CDK15: variants seen among roughly 807,000 people sequenced by gnomAD.
CDK15 encodes the protein cyclin dependent kinase 15, also known as cyclin-dependent kinase 15.
Under a neutral mutation model 60.3 loss-of-function variants are expected in CDK15, and 62 were observed. The ratio of observed to expected loss-of-function variants is 1.03; its 90% CI spans 0.84 to 1.27. The LOEUF is 1.27. Among genes scored for constraint, CDK15 ranks in the 50% most tolerant of loss-of-function variants. The pLI is 0.00. For missense variants in CDK15, 541 were observed against 527.8 expected, an observed-to-expected ratio of 1.03 and a Z score of -0.25; for synonymous variants, 194 against 195.7, an observed-to-expected ratio of 0.99 and a Z score of 0.07.
At chr2:201,856,685 C>T (rs961812031) in intron 10 of CDK15, among the ~76,000 whole-genome samples, 4 of 152,156 alleles carry the variant, frequency 2.6e-5, no homozygotes, top group African/African-American at 9.7e-5. Context: ...TATTTTCCCT[C>T]AGCTTCCTAA....
At chr2:201,891,855 C>T (rs758939998) in intron 13 of CDK15, among the ~76,000 whole-genome samples, 1 of 152,166 alleles carries the variant, frequency 6.6e-6, no homozygotes, top group Non-Finnish European at 1.5e-5. Flanking sequence ...AAACCACAAG[C>T]ATTATCCTAT....
At chr2:201,858,377 C>T (rs892927423) in intron 10 of CDK15, among the ~76,000 whole-genome samples, 6 of 148,062 alleles carry the variant, frequency 4.1e-5, no homozygotes, top group Non-Finnish European at 6.0e-5. Flanking sequence ...TTTCTCCCTC[C>T]CTCCCTTCCT....
chr2:201,835,283 G>T (rs1393867456), intron 7 of CDK15, among the ~76,000 whole-genome samples: 3 of 152,146 alleles, frequency 2.0e-5, no homozygotes, highest in Non-Finnish European at 2.9e-5. Context: ...CAAGATGGCT[G>T]CCACTTCCTG....
intron 3 of CDK15, among the ~76,000 whole-genome samples, chr2:201,809,557 A>G (rs1187728986): frequency 2.0e-5 from 3 of 152,210 alleles, no homozygotes; most frequent in African/African-American, 4.8e-5. Context: ...TTTGTGCTGC[A>G]TGATTTTAAT....
chr2:201,839,519 A>C (rs1254425026), intron 8 of CDK15, among the ~76,000 whole-genome samples: 1 of 152,182 alleles, frequency 6.6e-6, no homozygotes, highest in Non-Finnish European at 1.5e-5. Flanking sequence ...GGGGTATTGG[A>C]TGAATGTTAA....
intron 10 of CDK15, among the ~76,000 whole-genome samples, chr2:201,865,892 C>CCAAAAAAAA (rs753825925): frequency 7.5e-5 from 3 of 40,084 alleles, no homozygotes; most frequent in African/African-American, 2.2e-4. Context: ...TCCATCTCAA[C>CCAAAAAAAA]AAAAAAAAAA....
chr2:201,861,756 T>A (rs750650087), intron 10 of CDK15, among the ~76,000 whole-genome samples: 23 of 152,076 alleles, frequency 1.5e-4, no homozygotes, highest in Admixed American at 4.6e-4. Flanking sequence ...AGACAGGGTT[T>A]CACCATGTTG....
intron 12 of CDK15, 111 bp downstream of exon 12, chr2:201,880,278 AC>A: frequency 1.5e-6 from 2 of 1,300,622 alleles, no homozygotes; most frequent in Non-Finnish European, 2.1e-6. Flanking sequence ...CATAGCATTT[AC>A]CCCCAGGAGT....
At chr2:201,827,016 T>TA (rs1275286990) in intron 6 of CDK15, among the ~76,000 whole-genome samples, 1 of 152,232 alleles carries the variant, frequency 6.6e-6, no homozygotes. Context: ...GATTCTTAGT[T>TA]AAAATTCTTT....
intron 6 of CDK15, among the ~76,000 whole-genome samples, chr2:201,829,330 G>A (rs1559121885): frequency 6.6e-6 from 1 of 152,146 alleles, no homozygotes; most frequent in Non-Finnish European, 1.5e-5. Flanking sequence ...CCTTGACAGT[G>A]AGGCTAATCA....
chr2:201,890,861 T>A lies in CDK15; in HGVS notation c.1275T>A (p.Gly425=). The change falls in exon 13 of 14, where the codon GGT becomes GGA. Residue 425 remains glycine (G), a synonymous_variant. Transcript: ENST00000652192. ...MCDLLASYQK[G]HHPAQFSKCW ...ACCTTTTGGCCTCCTACCAGAAAGG[T>A]CACCACCCAGCCCAGTTTAGCAAAT... 2 of 1,613,742 alleles carry A rather than the reference T, an allele frequency of 1.2e-6. No individual in the cohort carries two copies. Among genetic ancestry groups the A allele is most frequent in the Non-Finnish European group, 1.7e-6 (2 of 1,179,810 alleles).
At chr2:201,837,158 C>T (rs1433975740) in intron 8 of CDK15, among the ~76,000 whole-genome samples, 2 of 151,516 alleles carry the variant, frequency 1.3e-5, no homozygotes, top group African/African-American at 2.4e-5. Flanking sequence ...ATTAGTCAGG[C>T]ATGATGGCTA....
intron 8 of CDK15, among the ~76,000 whole-genome samples, chr2:201,845,016 G>A (rs1697586540): frequency 6.6e-6 from 1 of 152,034 alleles, no homozygotes; most frequent in African/African-American, 2.4e-5. Flanking sequence ...AGGCATGCTG[G>A]TGCATGCCTG....
chr2:201,842,070 C>G (rs900520155), intron 8 of CDK15, among the ~76,000 whole-genome samples: 8 of 152,100 alleles, frequency 5.3e-5, no homozygotes, highest in Admixed American at 2.6e-4. Flanking sequence ...GTTGTGTAAC[C>G]GTCACCACTG....
At chr2:201,870,936 T>C (rs1372873774) in intron 10 of CDK15, among the ~76,000 whole-genome samples, 1 of 152,196 alleles carries the variant, frequency 6.6e-6, no homozygotes, top group Non-Finnish European at 1.5e-5. Context: ...TTAGTATTTC[T>C]TGAGTGAATG....
intron 11 of CDK15, among the ~76,000 whole-genome samples, chr2:201,874,335 G>GAAAAT (rs1296815991): frequency 6.6e-6 from 1 of 152,152 alleles, no homozygotes; most frequent in Non-Finnish European, 1.5e-5. Flanking sequence ...TATCACATGG[G>GAAAAT]AAAATTCTTG....
At chr2:201,828,974 A>G (rs1696630092) in intron 6 of CDK15, among the ~76,000 whole-genome samples, 1 of 152,176 alleles carries the variant, frequency 6.6e-6, no homozygotes, top group Admixed American at 6.5e-5. Context: ...ACTCTACAAA[A>G]AGACATCACT....
At chr2:201,841,503 C>A (rs937003318) in intron 8 of CDK15, among the ~76,000 whole-genome samples, 1 of 151,774 alleles carries the variant, frequency 6.6e-6, no homozygotes, top group Non-Finnish European at 1.5e-5. Context: ...CCATTTTTTT[C>A]TTTTTCTTTT....
At position 201,843,406 on chromosome 2, in the gene CDK15, C is replaced by T. The variant is rs371604654; in HGVS notation, c.852-3975C>T. On this transcript the variant is annotated intron_variant, in intron 8 of 13. Coordinates refer to ENST00000652192, the MANE Select transcript of CDK15 (RefSeq NM_001366386.2). ...TTCACCATGTTGGCCAGGCTGGTCT[C>T]GAACTGACCTCATGATCTGCCCGCC... 7.1e-3 allele frequency among the ~76,000 whole-genome samples: 1,076 copies of T among 152,108 alleles called. 16 individuals carry two copies. Among genetic ancestry groups the T allele is most frequent in the African/African-American group, 0.025 (1,042 of 41,486 alleles).
Sources: allele counts gnomAD v4.1 joint callset (sites outside exome capture counted in the v4.1 genomes callset), GRCh38; gene constraint gnomAD v4.1.1; transcripts MANE v1.5; gene names NCBI Gene and HGNC (gene_info 2026-07-23, HGNC 2026-07-21).